Variants in RGS17 observed in about 807,000 individuals in gnomAD.
RGS17 encodes the protein regulator of G-protein signaling 17.
A neutral mutation model predicts 25.5 loss-of-function variants in RGS17; 12 were observed. The observed-to-expected ratio is 0.47, with a 90% confidence interval of 0.30 to 0.76. RGS17 has a LOEUF of 0.76. RGS17 is among the 30% of genes least tolerant of loss of function. RGS17 has a pLI of 0.07. For missense variants in RGS17, 196 were observed against 242.2 expected, an observed-to-expected ratio of 0.81 and a Z score of 1.27; for synonymous variants, 71 against 76.9, an observed-to-expected ratio of 0.92 and a Z score of 0.40.
At chr6:153,072,725 T>A (rs1050156862) in intron 1 of RGS17, among the ~76,000 whole-genome samples, 4 of 152,220 alleles carry the variant, frequency 2.6e-5, no homozygotes, top group Non-Finnish European at 5.9e-5. Flanking sequence ...GTTGGCTGAG[T>A]CCATCCATGA....
intron 1 of RGS17, among the ~76,000 whole-genome samples, chr6:153,051,666 C>G (rs1207668020): frequency 1.3e-5 from 2 of 152,078 alleles, no homozygotes; most frequent in South Asian, 4.1e-4. Context: ...GAAGGCACGG[C>G]TTTGTTCCTC....
chr6:153,054,853 T>C (rs555247920), intron 1 of RGS17, among the ~76,000 whole-genome samples: 4 of 152,126 alleles, frequency 2.6e-5, no homozygotes, highest in African/African-American at 4.8e-5. Flanking sequence ...ATTTCCTTTG[T>C]GTAGTTCCCA....
chr6:153,041,067 A>C (rs1584130000), intron 2 of RGS17, among the ~76,000 whole-genome samples: 1 of 150,964 alleles, frequency 6.6e-6, no homozygotes, highest in East Asian at 2.0e-4. Flanking sequence ...GGGGAGGCTG[A>C]GGAGGGAGGA....
At chr6:153,039,924 A>G (rs185520026) in intron 2 of RGS17, among the ~76,000 whole-genome samples, 412 of 152,318 alleles carry the variant, frequency 2.7e-3, no homozygotes, top group Admixed American at 4.5e-3. Context: ...TTATAAAGAA[A>G]AGGGAAGAAG....
At position 153,010,904 on chromosome 6, in the gene RGS17, T is replaced by G. The variant is rs1481268078; in HGVS notation, c.*670A>C. 6.6e-6 allele frequency: 1 copy of G among 151,710 alleles called. No individual in the cohort carries two copies. Among genetic ancestry groups the G allele is most frequent in the African/African-American group, 2.4e-5 (1 of 41,312 alleles). 9.4% of individuals were successfully genotyped at this position (151,710 alleles called of 1,614,324 possible). On this transcript the variant is annotated 3_prime_UTR_variant, in exon 5 of 5. Transcript: ENST00000206262. Reference sequence around the variant, plus strand: ...TTCCCTTTTTTTTTTTTTTTGTTTTTTGCTTTTAGCATAGTAAACTCTCCT... The same window carrying G: ...TTCCCTTTTTTTTTTTTTTTGTTTTGTGCTTTTAGCATAGTAAACTCTCCT...
chr6:153,083,717 A>G (rs562083329), intron 1 of RGS17, among the ~76,000 whole-genome samples: 15 of 152,342 alleles, frequency 9.8e-5, no homozygotes, highest in African/African-American at 3.1e-4. Context: ...CATCAATTAC[A>G]TTTAAACAGA....
chr6:153,096,757 C>T (rs1192214581), intron 1 of RGS17, among the ~76,000 whole-genome samples: 8 of 152,192 alleles, frequency 5.3e-5, no homozygotes, highest in African/African-American at 1.9e-4. Context: ...GGTCATAGAA[C>T]TGGCTTTTAG....
chr6:153,041,185 T>TA (rs1776317136), intron 2 of RGS17, among the ~76,000 whole-genome samples: 2 of 151,956 alleles, frequency 1.3e-5, no homozygotes, highest in Admixed American at 1.3e-4. Context: ...AATAAATAAA[T>TA]AATAATCAAG....
At chr6:153,105,318 T>C (rs976657747) in intron 1 of RGS17, among the ~76,000 whole-genome samples, 3 of 152,102 alleles carry the variant, frequency 2.0e-5, no homozygotes, top group Non-Finnish European at 2.9e-5. Flanking sequence ...CTAGAGAGGG[T>C]TGACAGCTCC....
chr6:153,087,200 T>C (rs1485347713), intron 1 of RGS17, among the ~76,000 whole-genome samples: 1 of 105,390 alleles, frequency 9.5e-6, no homozygotes, highest in Non-Finnish European at 2.2e-5. Context: ...GGAGAATCAC[T>C]TGGAGGCAGA....
chr6:153,020,153 T>C (rs1381670666), intron 4 of RGS17, among the ~76,000 whole-genome samples: 6 of 83,586 alleles, frequency 7.2e-5, no homozygotes, highest in African/African-American at 2.9e-4. Context: ...TTTTTTTTTT[T>C]TTTTTTTTTT....
intron 1 of RGS17, among the ~76,000 whole-genome samples, chr6:153,044,656 T>G (rs1157266766): frequency 1.3e-5 from 2 of 152,230 alleles, no homozygotes; most frequent in African/African-American, 4.8e-5. Context: ...AGGCATTAGC[T>G]TCTCTTCTTC....
chr6:153,051,999 G>T (rs779927502), intron 1 of RGS17, among the ~76,000 whole-genome samples: 1 of 152,188 alleles, frequency 6.6e-6, no homozygotes. Context: ...CTGCAAACAT[G>T]ATCTATTCTT....
intron 2 of RGS17, among the ~76,000 whole-genome samples, chr6:153,037,609 A>G (rs2129109179): frequency 6.6e-6 from 1 of 151,408 alleles, no homozygotes; most frequent in South Asian, 2.1e-4. Flanking sequence ...TATTTTTAGT[A>G]CAGACGGGGT....
At chr6:153,084,721 G>A (rs569897437) in intron 1 of RGS17, among the ~76,000 whole-genome samples, 1 of 152,276 alleles carries the variant, frequency 6.6e-6, no homozygotes, top group East Asian at 1.9e-4. Flanking sequence ...TAATGTAATA[G>A]GACGTTTTGT....
chr6:153,020,136 A>T (rs1213466829), intron 4 of RGS17, among the ~76,000 whole-genome samples: 2 of 54,912 alleles, frequency 3.6e-5, no homozygotes, highest in African/African-American at 1.6e-4. Context: ...ATATATATAT[A>T]TATTTTTTTT....
intron 1 of RGS17, among the ~76,000 whole-genome samples, chr6:153,071,390 T>A (rs1776801514): frequency 6.6e-6 from 1 of 152,068 alleles, no homozygotes; most frequent in African/African-American, 2.4e-5. Context: ...TCCTACTTCA[T>A]CCATGACACT....
intron 1 of RGS17, among the ~76,000 whole-genome samples, chr6:153,104,856 C>A (rs1777356729): frequency 6.6e-6 from 1 of 150,494 alleles, no homozygotes; most frequent in Non-Finnish European, 1.5e-5. Context: ...AAGGAAGGCA[C>A]CCCTGAAAAG....
At chr6:153,057,785 A>G (rs1455362942) in intron 1 of RGS17, among the ~76,000 whole-genome samples, 2 of 152,178 alleles carry the variant, frequency 1.3e-5, no homozygotes, top group Admixed American at 1.3e-4. Flanking sequence ...GGACACGACA[A>G]CAGATCATCA....
Sources: allele counts gnomAD v4.1 joint callset (sites outside exome capture counted in the v4.1 genomes callset), GRCh38; gene constraint gnomAD v4.1.1; transcripts MANE v1.5; gene names NCBI Gene and HGNC (gene_info 2026-07-23, HGNC 2026-07-21).